The following ICE1 variants were observed in gnomAD, a reference collection of about 807,000 sequenced individuals.
The protein encoded by ICE1 is little elongation complex subunit 1.
ICE1 carries 64 observed loss-of-function variants against 192.7 expected under a neutral mutation model. That is an observed-to-expected ratio of 0.33 (90% CI 0.27 to 0.41). ICE1 has a LOEUF of 0.41. ICE1 is among the 10% of genes least tolerant of loss of function. The probability of loss-of-function intolerance (pLI) is 1.00; values close to 1 mark genes in which losing one functional copy is unlikely to be tolerated. For missense variants in ICE1, 2,708 were observed against 2,696.0 expected, an observed-to-expected ratio of 1.00 and a Z score of -0.10; for synonymous variants, 1,010 against 984.5, an observed-to-expected ratio of 1.03 and a Z score of -0.49.
chr5:5,438,750 A>G (rs1460301711), intron 3 of ICE1, among the ~76,000 whole-genome samples: 2 of 152,200 alleles, frequency 1.3e-5, no homozygotes, highest in African/African-American at 2.4e-5. Context: ...AAATTTTAAA[A>G]CAAAAATTAT....
At chr5:5,452,287 A>T (rs937778618) in intron 10 of ICE1, among the ~76,000 whole-genome samples, 8 of 151,212 alleles carry the variant, frequency 5.3e-5, no homozygotes, top group African/African-American at 1.9e-4. Flanking sequence ...AGATGATACT[A>T]CTAATGTAGA....
intron 1 of ICE1, among the ~76,000 whole-genome samples, chr5:5,430,049 AG>A (rs1351837605): frequency 6.6e-6 from 1 of 152,240 alleles, no homozygotes; most frequent in East Asian, 1.9e-4. Context: ...TAGAAGCTCT[AG>A]AAGAGGAGAG....
Position 5,461,383 on chromosome 5 carries a change from A to G in ICE1, c.2049A>G (p.Leu683=). Residue 683 remains leucine (L), a synonymous_variant, in exon 13 of 19, where the codon TTA becomes TTG. Coordinates refer to ENST00000296564, the MANE Select transcript of ICE1 (RefSeq NM_015325.3). Reference sequence around the variant, plus strand: ...TGCAAACTAAAACTTTAAACACATTACATCTGCAGTCTGAGCCACCGGAGT... The same window carrying G: ...TGCAAACTAAAACTTTAAACACATTGCATCTGCAGTCTGAGCCACCGGAGT... The part of the protein sequence containing the change: ...HKLQTKTLNT[L]HLQSEPPECS... The G allele has an allele frequency of 1.9e-6, 3 of 1,613,938 alleles. No homozygotes were observed. The highest frequency in any genetic ancestry group is 2.2e-5 in the South Asian group (2 of 91,082).
chr5:5,474,283 T>C (rs1739251170), intron 16 of ICE1, among the ~76,000 whole-genome samples: 1 of 152,100 alleles, frequency 6.6e-6, no homozygotes, highest in Non-Finnish European at 1.5e-5. Flanking sequence ...CTTTAGTACC[T>C]GTCACTAGTT....
chr5:5,469,131 A>G, intron 15 of ICE1, 143 bp downstream of exon 15: 1 of 543,090 alleles, frequency 1.8e-6, no homozygotes, highest in Non-Finnish European at 2.9e-6. Context: ...AGTTTAGCCT[A>G]AGCTTATCCA....
At chr5:5,483,640 G>A (rs566050678) in intron 17 of ICE1, among the ~76,000 whole-genome samples, 1 of 152,184 alleles carries the variant, frequency 6.6e-6, no homozygotes, top group African/African-American at 2.4e-5. Flanking sequence ...AGGTAGCAAA[G>A]TTGGGACAGA....
At chr5:5,443,046 G>T in intron 5 of ICE1, 122 bp from the exon 6 acceptor site, 2 of 572,226 alleles carry the variant, frequency 3.5e-6, no homozygotes, top group Non-Finnish European at 6.1e-6. Flanking sequence ...AATATTCAGT[G>T]ACTATTTTTT....
chr5:5,439,941 A>G (rs1042514382), intron 4 of ICE1, 28 bp downstream of exon 4: 1 of 1,507,176 alleles, frequency 6.6e-7, no homozygotes, highest in Non-Finnish European at 9.0e-7. Flanking sequence ...ATAGTTTATG[A>G]TACCACCTAT....
chr5:5,423,947 C>G (rs1737431827), intron 1 of ICE1, among the ~76,000 whole-genome samples: 1 of 152,138 alleles, frequency 6.6e-6, no homozygotes, highest in Non-Finnish European at 1.5e-5. Context: ...GAATATTGGT[C>G]TTGTCTCTTA....
In ICE1 at chr5:5,454,502, T is replaced by G. The variant is rs752782518; in HGVS notation, c.605-50T>G. The G allele has an allele frequency of 2.3e-6, 3 of 1,289,230 alleles. No homozygotes were observed. The South Asian group carries it at 3.6e-5, about 16-fold the overall frequency. The allele number at this position is 1,289,230 out of a possible 1,614,324, so 79.9% of individuals were successfully genotyped here. A position where few individuals can be genotyped will look rare whatever the true frequency, so the allele number is the denominator to read the frequency against. On this transcript the variant is annotated intron_variant, in intron 10 of 18. Transcript: ENST00000296564. The stretch of plus-strand genomic sequence containing the variant: ...TTCACAGAAGTATGTTCTGGCCTTG[T>G]GTACGGTGAGCCAAATGACGTGACT...
intron 15 of ICE1, among the ~76,000 whole-genome samples, chr5:5,471,736 G>C (rs1739161279): frequency 6.6e-6 from 1 of 152,130 alleles, no homozygotes; most frequent in Non-Finnish European, 1.5e-5. Context: ...TAGTTAACAA[G>C]AAATCAGTAG....
Position 5,462,245 on chromosome 5 carries a change from A to G in ICE1, c.2911A>G (p.Ile971Val). Residue 971 changes from isoleucine to valine, a missense_variant, in exon 13 of 19, where the codon ATT becomes GTT. Physicochemically the swap from Ile to Val is conservative, Grantham distance 29. This residue lies in a region of ICE1 where 2,366 missense variants were observed against 2,276.6 expected (regional missense o/e 1.04). Transcript: ENST00000296564. Reference protein sequence around the residue: ...PENILIQNQDIVREAAVQGDG... With the variant: ...PENILIQNQDVVREAAVQGDG... ...AAATATCCTCATCCAAAACCAAGAC[A>G]TTGTGAGAGAAGCTGCAGTGCAGGG... is the stretch of plus-strand genomic sequence containing the variant. 1.2e-6 allele frequency: 2 copies of G among 1,612,046 alleles called. No individual in the cohort carries two copies. The highest frequency in any genetic ancestry group is 1.1e-5 in the South Asian group (1 of 90,882).
intron 16 of ICE1, 122 bp from the exon 17 acceptor site, chr5:5,475,851 A>T (rs1428308489): frequency 1.5e-6 from 1 of 680,010 alleles, no homozygotes; most frequent in Non-Finnish European, 2.5e-6. Flanking sequence ...TCTCACTTGA[A>T]CTTACAATGT....
chr5:5,460,704 C>G lies in ICE1; in HGVS notation c.1370C>G (p.Ser457Cys). The G allele has an allele frequency of 6.2e-7, 1 of 1,613,910 alleles. No individual in the cohort carries two copies. Among genetic ancestry groups the G allele is most frequent in the Non-Finnish European group, 8.5e-7 (1 of 1,179,900 alleles). ...ATLRESSATH[S>C]LVGEKHWTTA... The stretch of plus-strand genomic sequence containing the variant: ...CTGAGAGAATCTTCTGCCACACACT[C>G]CTTAGTTGGTGAAAAACACTGGACC... Residue 457 changes from serine to cysteine, a missense_variant, in exon 13 of 19, where the codon TCC becomes TGC. By Grantham distance (112) the Ser-to-Cys change is moderately radical. This residue lies in a region of ICE1 where 2,366 missense variants were observed against 2,276.6 expected (regional missense o/e 1.04). Transcript: ENST00000296564.
At chr5:5,473,007 T>C (rs181502976) in intron 15 of ICE1, among the ~76,000 whole-genome samples, 1 of 152,276 alleles carries the variant, frequency 6.6e-6, no homozygotes, top group Admixed American at 6.5e-5. Flanking sequence ...AACAGTAATA[T>C]GTCCATATAA....
At chr5:5,425,403 C>A (rs1360460188) in intron 1 of ICE1, among the ~76,000 whole-genome samples, 1 of 152,208 alleles carries the variant, frequency 6.6e-6, no homozygotes, top group Non-Finnish European at 1.5e-5. Flanking sequence ...GTGAAAGCAG[C>A]TGTAGACAAT....
At chr5:5,469,649 G>A (rs1739098805) in intron 15 of ICE1, among the ~76,000 whole-genome samples, 1 of 151,958 alleles carries the variant, frequency 6.6e-6, no homozygotes. Flanking sequence ...AAACTCCCCT[G>A]GGCTTATGTG....
At chr5:5,467,055 C>T (rs1017464763) in intron 14 of ICE1, among the ~76,000 whole-genome samples, 19 of 152,154 alleles carry the variant, frequency 1.2e-4, no homozygotes, top group African/African-American at 4.1e-4. Context: ...AACCTAGTAT[C>T]GTATCAGTCT....
At position 5,476,025 on chromosome 5, in the gene ICE1, G is replaced by T. The variant is rs1483862890; in HGVS notation, c.6466G>T (p.Ala2156Ser). ...ATGGATAAAATACAGAAAAGGACAT[G>T]CAAACATTGCGTATACTCCTGATAT... ...DKWIKYRKGH[A>S]NIAYTPDIII... Residue 2156 changes from alanine to serine, a missense_variant, in exon 17 of 19, where the codon GCA (alanine) becomes TCA (serine). Around this residue, in one of 2 missense-constraint regions of ICE1, gnomAD observed 342 missense variants for 419.3 expected, o/e 0.82. Transcript: ENST00000296564. 6.2e-7 allele frequency: 1 copy of T among 1,611,748 alleles called. No homozygotes were observed. The highest frequency in any genetic ancestry group is 8.5e-7 in the Non-Finnish European group (1 of 1,178,704).
Sources: allele counts gnomAD v4.1 joint callset (sites outside exome capture counted in the v4.1 genomes callset), GRCh38; gene constraint gnomAD v4.1.1; regional missense constraint gnomAD v4.1.1; transcripts MANE v1.5; gene names NCBI Gene and HGNC (gene_info 2026-07-23, HGNC 2026-07-21).